Variants in RAB18 observed in about 807,000 individuals in gnomAD.
RAB18 encodes the protein ras-related protein Rab-18.
A neutral mutation model predicts 28.5 loss-of-function variants in RAB18; 10 were observed. That is an observed-to-expected ratio of 0.35 (90% CI 0.22 to 0.60). RAB18 has a LOEUF of 0.60. Among genes scored for constraint, RAB18 ranks in the 20% least tolerant of loss-of-function variants. The pLI, the probability that RAB18 is intolerant of heterozygous loss-of-function variation, is 0.78. For synonymous variants in RAB18, 93 were observed against 86.9 expected (o/e 1.07, Z -0.39); for missense variants, 188 against 244.2 (o/e 0.77, Z 1.53).
intron 2 of RAB18, among the ~76,000 whole-genome samples, chr10:27,523,611 CTTTTTTT>C (rs775018935): frequency 7.6e-6 from 1 of 131,320 alleles, no homozygotes; most frequent in East Asian, 2.1e-4. Flanking sequence ...CCATTTTTAC[CTTTTTTT>C]TTTTTTTTTT....
chr10:27,532,721 A>G (rs1834812794), intron 4 of RAB18, 142 bp downstream of exon 4: 1 of 621,722 alleles, frequency 1.6e-6, no homozygotes, highest in Admixed American at 3.0e-5. Context: ...ACTTCATGTA[A>G]TATTAATGAA....
In RAB18 at chr10:27,533,793, G is replaced by A. The variant is rs1834837220; in HGVS notation, c.318G>A (p.Leu106=). 1 of 1,613,602 alleles carries A rather than the reference G, an allele frequency of 6.2e-7. No homozygotes were observed. The highest frequency in any genetic ancestry group is 8.5e-7 in the Non-Finnish European group (1 of 1,179,762). Residue 106 remains leucine, a synonymous_variant, in exon 5 of 7, where the codon TTG becomes TTA. Coordinates refer to ENST00000356940, the MANE Select transcript of RAB18 (RefSeq NM_021252.5). ...FVKLDNWLNE[L]ETYCTRNDIV... ...AACTGGATAATTGGTTAAATGAATT[G>A]GAAACATACTGTACAAGAAATGACA...
chr10:27,508,170 T>C (rs1205869128), intron 1 of RAB18, among the ~76,000 whole-genome samples: 5 of 152,182 alleles, frequency 3.3e-5, no homozygotes, highest in African/African-American at 1.2e-4. Context: ...GAATTTAGAA[T>C]ACTTTTTGGG....
intron 1 of RAB18, among the ~76,000 whole-genome samples, chr10:27,505,872 G>A (rs1338376627): frequency 1.2e-4 from 19 of 152,068 alleles, no homozygotes; most frequent in African/African-American, 4.3e-4. Context: ...TTTTCATAGT[G>A]TTCCTCATGT....
At chr10:27,516,418 C>T (rs534017239) in intron 2 of RAB18, among the ~76,000 whole-genome samples, 1 of 151,992 alleles carries the variant, frequency 6.6e-6, no homozygotes, top group East Asian at 1.9e-4. Flanking sequence ...ATTAGCCAGG[C>T]GTGGTGGCAG....
intron 2 of RAB18, among the ~76,000 whole-genome samples, chr10:27,520,610 A>G (rs1263087299): frequency 1.3e-5 from 2 of 152,082 alleles, no homozygotes; most frequent in African/African-American, 2.4e-5. Context: ...TTTATAATAT[A>G]TTCATTTACA....
chr10:27,540,166 G>A lies in RAB18; in HGVS notation c.*2115G>A, dbSNP rs1290653362. On this transcript the variant is annotated 3_prime_UTR_variant, in exon 7 of 7. Coordinates refer to ENST00000356940, the MANE Select transcript of RAB18 (RefSeq NM_021252.5). ...AAAACTATTCAATTTCTGAGTAATA[G>A]TTAATATTTATTGAAAGCTTCCTTG... 1.5e-5 allele frequency: 7 copies of A among 454,034 alleles called. No homozygotes were observed. Among genetic ancestry groups the A allele is most frequent in the Non-Finnish European group, 2.6e-5 (6 of 226,766 alleles). 28.1% of individuals were successfully genotyped at this position (454,034 alleles called of 1,614,324 possible).
intron 3 of RAB18, among the ~76,000 whole-genome samples, chr10:27,528,881 C>CT (rs1834732222): frequency 6.6e-6 from 1 of 151,954 alleles, no homozygotes; most frequent in Non-Finnish European, 1.5e-5. Flanking sequence ...TGTTATCATT[C>CT]TTTCTGTTTT....
intron 3 of RAB18, among the ~76,000 whole-genome samples, chr10:27,530,269 A>G (rs1834760120): frequency 6.6e-6 from 1 of 152,044 alleles, no homozygotes; most frequent in Admixed American, 6.6e-5. Context: ...TGAATATAGA[A>G]CAGTGTTCCA....
chr10:27,506,980 A>T (rs1187675195), intron 1 of RAB18, among the ~76,000 whole-genome samples: 2 of 152,246 alleles, frequency 1.3e-5, no homozygotes, highest in East Asian at 3.8e-4. Context: ...TTGTCTAGCT[A>T]GATATACATT....
intron 3 of RAB18, chr10:27,528,417 C>G (rs1004955552): frequency 4.5e-6 from 2 of 439,640 alleles, no homozygotes; most frequent in African/African-American, 4.1e-5. Context: ...AAGTATACCA[C>G]TGAATACATT....
intron 2 of RAB18, among the ~76,000 whole-genome samples, chr10:27,515,836 T>TC (rs1269481061): frequency 6.6e-6 from 1 of 152,206 alleles, no homozygotes; most frequent in Non-Finnish European, 1.5e-5. Flanking sequence ...CCTCCTTCCT[T>TC]CTTTATCATT....
chr10:27,512,993 T>G (rs1834353989), intron 2 of RAB18, among the ~76,000 whole-genome samples: 6 of 150,732 alleles, frequency 4.0e-5, no homozygotes, highest in Admixed American at 4.0e-4. Context: ...AGCATCAGAT[T>G]ACTTTCAGCC....
In RAB18 at chr10:27,540,554, A is replaced by G. The variant is rs940158039; in HGVS notation, c.*2503A>G. 26 of 454,010 alleles carry G rather than the reference A, an allele frequency of 5.7e-5. No homozygotes were observed. Among genetic ancestry groups the G allele is most frequent in the Middle Eastern group, 6.8e-4 (1 of 1,468 alleles). The allele number at this position is 454,010 out of a possible 1,614,324, so 28.1% of individuals were successfully genotyped here. ...AAATCCCATGATGTAAACCTACCTC[A>G]TAAGTCATGTGACATAAAAGTTAAG... On this transcript the variant is annotated 3_prime_UTR_variant, in exon 7 of 7. Transcript: ENST00000356940.
chr10:27,511,539 C>T (rs538699457), intron 2 of RAB18, among the ~76,000 whole-genome samples: 4 of 152,212 alleles, frequency 2.6e-5, no homozygotes, highest in African/African-American at 9.6e-5. Flanking sequence ...ATTCTTCAGT[C>T]TTTATTTGCC....
Position 27,526,805 on chromosome 10 carries a change from A to G in RAB18, c.125-23A>G. 1 of 1,612,722 alleles carries G rather than the reference A, an allele frequency of 6.2e-7. No individual in the cohort carries two copies. Among genetic ancestry groups the G allele is most frequent in the Non-Finnish European group, 8.5e-7 (1 of 1,179,204 alleles). ...AAAAGTCTGTTTTACTGGGAGACTT[A>G]TCAAAATTTTCATTTCTTTAAGGTG... On this transcript the variant is annotated intron_variant, in intron 2 of 6. Transcript: ENST00000356940.
chr10:27,531,390 T>C, intron 3 of RAB18: 3 of 1,337,858 alleles, frequency 2.2e-6, no homozygotes, highest in African/African-American at 1.5e-5. Context: ...TCCAATCTTA[T>C]AAACCTCTTA....
At chr10:27,535,500 A>G (rs953086365) in intron 6 of RAB18, among the ~76,000 whole-genome samples, 2 of 152,224 alleles carry the variant, frequency 1.3e-5, no homozygotes, top group Non-Finnish European at 2.9e-5. Flanking sequence ...AGGAGAAGGC[A>G]GATGGTGAGA....
At chr10:27,504,466 G>T in intron 1 of RAB18, 29 bp downstream of exon 1, 1 of 1,555,124 alleles carries the variant, frequency 6.4e-7, no homozygotes, top group Non-Finnish European at 8.7e-7. Context: ...TCGTGACGAG[G>T]GTGGCTGGGC....
Sources: gnomAD v4.1 joint callset for allele counts (sites outside exome capture counted in the v4.1 genomes callset) on GRCh38, gnomAD v4.1.1 for gene constraint, MANE v1.5 for transcripts, NCBI Gene and HGNC (gene_info 2026-07-23, HGNC 2026-07-21) for gene names.